Variants in AP3B1 observed in about 807,000 individuals in gnomAD.
The protein encoded by AP3B1 is adaptor related protein complex 3 subunit beta 1, also known as AP-3 complex subunit beta-1.
AP3B1 carries 61 observed loss-of-function variants against 132.5 expected under a neutral mutation model. The ratio of observed to expected loss-of-function variants is 0.46; its 90% CI spans 0.37 to 0.57. The LOEUF is 0.57. Ranked by LOEUF, AP3B1 falls within the 20% of genes least tolerant of loss-of-function variation. The pLI, the probability that AP3B1 is intolerant of heterozygous loss-of-function variation, is 0.00. For synonymous variants in AP3B1, 388 were observed against 438.3 expected, an observed-to-expected ratio of 0.89 and a Z score of 1.43; for missense variants, 1,120 against 1,289.4, an observed-to-expected ratio of 0.87 and a Z score of 2.01.
At chr5:78,288,563 A>G (rs1749379602) in intron 1 of AP3B1, among the ~76,000 whole-genome samples, 1 of 152,176 alleles carries the variant, frequency 6.6e-6, no homozygotes, top group African/African-American at 2.4e-5. Flanking sequence ...ACTACAATAC[A>G]ATGGAGATAC....
intron 12 of AP3B1, among the ~76,000 whole-genome samples, chr5:78,163,725 G>A (rs1411450289): frequency 6.7e-6 from 1 of 150,240 alleles, no homozygotes; most frequent in African/African-American, 2.4e-5. Context: ...TTTAACAACA[G>A]GAAGTTAAAA....
At chr5:78,096,668 G>A (rs1488146756) in intron 21 of AP3B1, among the ~76,000 whole-genome samples, 2 of 150,612 alleles carry the variant, frequency 1.3e-5, no homozygotes, top group Non-Finnish European at 3.0e-5. Context: ...CCGCGACTCC[G>A]TCTGGGAGGT....
At chr5:78,000,685 T>A (rs763948912), downstream of AP3B1, 1 of 152,204 alleles carries the variant, frequency 6.6e-6, no homozygotes, top group Non-Finnish European at 1.5e-5. Context: ...AAGATTGGTG[T>A]ACATAAAATG....
chr5:78,168,991 T>TATGA (rs928593053), intron 11 of AP3B1, among the ~76,000 whole-genome samples: 21 of 152,328 alleles, frequency 1.4e-4, no homozygotes, highest in African/African-American at 5.1e-4. Context: ...ATATGAATAA[T>TATGA]ACATCATTCT....
At chr5:78,239,542 G>A (rs1747028543) in intron 3 of AP3B1, among the ~76,000 whole-genome samples, 1 of 150,808 alleles carries the variant, frequency 6.6e-6, no homozygotes, top group South Asian at 2.1e-4. Flanking sequence ...GGGAGGCTGA[G>A]GCAGGTAGAT....
chr5:78,280,729 C>G (rs183667296), intron 1 of AP3B1, among the ~76,000 whole-genome samples: 1 of 152,204 alleles, frequency 6.6e-6, no homozygotes, highest in Non-Finnish European at 1.5e-5. Flanking sequence ...GGCAAGTTTT[C>G]CATCTGATGA....
chr5:78,071,572 A>G (rs1214220406), intron 22 of AP3B1, among the ~76,000 whole-genome samples: 2 of 152,218 alleles, frequency 1.3e-5, no homozygotes, highest in Non-Finnish European at 2.9e-5. Flanking sequence ...AATAAATAAA[A>G]TAAAAATAAA....
chr5:78,090,880 C>T (rs1317419510), intron 21 of AP3B1, among the ~76,000 whole-genome samples: 1 of 151,964 alleles, frequency 6.6e-6, no homozygotes, highest in Non-Finnish European at 1.5e-5. Context: ...GGTGCAATCC[C>T]TTCCTGGGCC....
intron 1 of AP3B1, among the ~76,000 whole-genome samples, chr5:78,269,282 T>C (rs943105889): frequency 6.6e-6 from 1 of 152,220 alleles, no homozygotes; most frequent in Non-Finnish European, 1.5e-5. Context: ...GCTTTCTAGC[T>C]TTGAGTATTA....
At chr5:78,145,009 T>A (rs72776441) in intron 14 of AP3B1, among the ~76,000 whole-genome samples, 12 of 152,244 alleles carry the variant, frequency 7.9e-5, no homozygotes, top group Admixed American at 4.6e-4. Flanking sequence ...ATAGTATGCA[T>A]TTTATTCTAG....
chr5:78,128,564 A>G (rs1561427078), intron 16 of AP3B1, among the ~76,000 whole-genome samples: 1 of 152,150 alleles, frequency 6.6e-6, no homozygotes, highest in East Asian at 1.9e-4. Context: ...ATAAGAAACA[A>G]TATGAAAACC....
At chr5:78,281,624 C>T (rs115913518) in intron 1 of AP3B1, among the ~76,000 whole-genome samples, 192 of 151,994 alleles carry the variant, frequency 1.3e-3, no homozygotes, top group Non-Finnish European at 2.0e-3. Flanking sequence ...AACCGTTTTA[C>T]AATACTAAGA....
chr5:78,148,030 T>TAA lies in AP3B1; in HGVS notation c.1474-6713_1474-6712dup, dbSNP rs559890931. ...CCAGGGTGACAGAGCAAGACTCCAT[T>TAA]AAAAAAAAAAAGGGAAAGAGAGAGA... On this transcript the variant is annotated intron_variant, in intron 14 of 26. Coordinates refer to ENST00000255194, the MANE Select transcript of AP3B1 (RefSeq NM_003664.5). 8.3e-4 allele frequency among the ~76,000 whole-genome samples: 119 copies of TAA among 144,170 alleles called. No individual in the cohort carries two copies. The East Asian group carries it at 0.013, about 16-fold the overall frequency. 94.6% of individuals were successfully genotyped at this position (144,170 alleles called of 152,430 possible). A position where few individuals can be genotyped will look rare whatever the true frequency, so the allele number is the denominator to read the frequency against.
intron 1 of AP3B1, among the ~76,000 whole-genome samples, chr5:78,278,649 T>C (rs967317201): frequency 7.1e-6 from 1 of 141,414 alleles, no homozygotes; most frequent in African/African-American, 2.7e-5. Context: ...TAATTAATTA[T>C]GAGGAACTAT....
At chr5:78,191,180 A>G (rs144809457) in intron 7 of AP3B1, among the ~76,000 whole-genome samples, 3 of 152,190 alleles carry the variant, frequency 2.0e-5, no homozygotes, top group East Asian at 3.9e-4. Flanking sequence ...TAAACAGACA[A>G]CTTAGAACAA....
intron 9 of AP3B1, among the ~76,000 whole-genome samples, chr5:78,177,041 T>C (rs947083668): frequency 1.3e-5 from 2 of 152,228 alleles, no homozygotes; most frequent in East Asian, 1.9e-4. Context: ...AACATCATTA[T>C]TGCCATACCT....
intron 15 of AP3B1, among the ~76,000 whole-genome samples, chr5:78,132,606 T>A (rs1460331775): frequency 6.6e-6 from 1 of 152,174 alleles, no homozygotes; most frequent in Non-Finnish European, 1.5e-5. Context: ...CTAAATGAGG[T>A]CATGTTTCAC....
At chr5:78,122,816 T>A (rs1027934069) in intron 17 of AP3B1, among the ~76,000 whole-genome samples, 8 of 152,196 alleles carry the variant, frequency 5.3e-5, no homozygotes, top group African/African-American at 1.9e-4. Flanking sequence ...AAGCTACCAA[T>A]GACTTTCTTC....
chr5:78,019,527 T>G (rs917597915), intron 25 of AP3B1, among the ~76,000 whole-genome samples: 1 of 152,102 alleles, frequency 6.6e-6, no homozygotes, highest in Non-Finnish European at 1.5e-5. Context: ...AGGGTAAGAA[T>G]AGCAAATATA....
Sources: allele counts gnomAD v4.1 joint callset (sites outside exome capture counted in the v4.1 genomes callset), GRCh38; gene constraint gnomAD v4.1.1; transcripts MANE v1.5; gene names NCBI Gene and HGNC (gene_info 2026-07-23, HGNC 2026-07-21).